LRRC9: variants seen among roughly 807,000 people sequenced by gnomAD.
LRRC9 encodes the protein leucine-rich repeat-containing protein 9.
In LRRC9, 122 loss-of-function variants were observed where a neutral mutation model predicts 63.2. That is an observed-to-expected ratio of 1.93 (90% CI 1.67 to 2.24). The LOEUF (loss-of-function observed/expected upper bound fraction) is 2.24. Ranked by LOEUF, LRRC9 falls within the 30% of genes most tolerant of loss-of-function variation. The pLI is 0.00. For missense variants in LRRC9, 1,071 were observed against 627.7 expected (o/e 1.71, Z -7.55); for synonymous variants, 366 against 213.1 (o/e 1.72, Z -6.25).
At chr14:59,937,460 G>A (rs921540995) in intron 6 of LRRC9, among the ~76,000 whole-genome samples, 18 of 152,052 alleles carry the variant, frequency 1.2e-4, no homozygotes, top group African/African-American at 4.1e-4. Context: ...CTATCCCAAC[G>A]CTGGGGGATG....
In LRRC9 at chr14:59,966,076, T is replaced by C. The variant is rs1884830310; in HGVS notation, c.1212-513T>C. Among the ~76,000 whole-genome samples the C allele has an allele frequency of 6.6e-6, 1 of 151,990 alleles. No homozygotes were observed. Among genetic ancestry groups the C allele is most frequent in the East Asian group, 1.9e-4 (1 of 5,184 alleles). ...TTAGGTTGGAGTCACCTGTTTAACA[T>C]GCAGATGGACATACCAAGTAGGTAG... On this transcript the variant is annotated intron_variant, in intron 10 of 31. Coordinates refer to ENST00000445360, the Ensembl canonical transcript of LRRC9. This position sits in a 1 kb window ranked among gnomAD's most constrained non-coding sequence, Gnocchi z 4.0.
Position 59,984,067 on chromosome 14 carries a change from A to G in LRRC9, c.2092-1038A>G, listed in dbSNP as rs549506296. Among the ~76,000 whole-genome samples the G allele has an allele frequency of 3.3e-5, 5 of 152,346 alleles. No homozygotes were observed. The East Asian group carries it at 7.7e-4, about 24-fold the overall frequency. On this transcript the variant is annotated intron_variant, in intron 16 of 31. Coordinates refer to ENST00000445360, the Ensembl canonical transcript of LRRC9. ...CAGTTCTACAATCAAATGTATAAAG[A>G]AAAGAGGGAAAGCAGGTGATCAACA... is the stretch of plus-strand genomic sequence containing the variant.
At chr14:59,991,757 C>T (rs556409076) in intron 17 of LRRC9, among the ~76,000 whole-genome samples, 6 of 146,910 alleles carry the variant, frequency 4.1e-5, no homozygotes, top group Non-Finnish European at 4.5e-5. Flanking sequence ...AAGGCAGCAG[C>T]AAGGCTGGGG....
rs188443416 is a variant in LRRC9 at position 59,993,362 on chromosome 14, A to G, written c.2212-4294A>G. Reference sequence around the variant, plus strand: ...GTACCAGCCACTGCAAAAACATAACAAAATTGTAAAGACCATCGAGGCTAG... The same window carrying G: ...GTACCAGCCACTGCAAAAACATAACGAAATTGTAAAGACCATCGAGGCTAG... On this transcript the variant is annotated intron_variant, in intron 17 of 31. Transcript: ENST00000445360. 2.8e-4 allele frequency among the ~76,000 whole-genome samples: 42 copies of G among 152,324 alleles called. No homozygotes were observed. In the East Asian group the frequency reaches 7.1e-3, roughly 26 times the overall value.
intron 27 of LRRC9, among the ~76,000 whole-genome samples, chr14:60,026,980 T>G (rs990251960): frequency 4.6e-5 from 7 of 152,046 alleles, no homozygotes; most frequent in African/African-American, 1.4e-4. Context: ...CAGTCACATT[T>G]TGAGGTACTG....
chr14:60,062,809 C>T (rs570381028), intron 31 of LRRC9, among the ~76,000 whole-genome samples: 4 of 152,282 alleles, frequency 2.6e-5, no homozygotes, highest in African/African-American at 9.6e-5. Context: ...AATGACCTAC[C>T]TCAGCAGCAG....
chr14:59,999,313 A>G (rs1049788291), intron 19 of LRRC9, 87 bp downstream of exon 19: 5 of 582,674 alleles, frequency 8.6e-6, no homozygotes, highest in Non-Finnish European at 1.2e-5. Flanking sequence ...TTAAGATTTT[A>G]TAGTCCCTCT....
chr14:59,949,691 T>A (rs1882895056), intron 8 of LRRC9, among the ~76,000 whole-genome samples: 1 of 151,572 alleles, frequency 6.6e-6, no homozygotes, highest in Admixed American at 6.6e-5. Flanking sequence ...GATTCTGGTA[T>A]GTTGTGTCTT....
intron 16 of LRRC9, among the ~76,000 whole-genome samples, chr14:59,984,462 TA>T: frequency 6.6e-6 from 1 of 152,334 alleles, no homozygotes. Context: ...ATACCACTCA[TA>T]ATGGTATAAA....
At chr14:59,943,060 G>A (rs1881963164) in intron 7 of LRRC9, among the ~76,000 whole-genome samples, 1 of 151,958 alleles carries the variant, frequency 6.6e-6, no homozygotes, top group African/African-American at 2.4e-5. Context: ...TGTATATTCT[G>A]GATATAAGAC....
At chr14:59,925,050 C>T (rs1028991544) in intron 1 of LRRC9, among the ~76,000 whole-genome samples, 2 of 152,172 alleles carry the variant, frequency 1.3e-5, no homozygotes, top group East Asian at 3.9e-4. Flanking sequence ...TCTTTTTCCT[C>T]CCACCGCTGT....
chr14:60,008,091 G>A lies in LRRC9; in HGVS notation c.3064-1G>A. 1 of 686,450 alleles carries A rather than the reference G, an allele frequency of 1.5e-6. No individual in the cohort carries two copies. The highest frequency in any genetic ancestry group is 2.6e-6 in the Non-Finnish European group (1 of 377,382). 42.5% of individuals were successfully genotyped at this position (686,450 alleles called of 1,614,324 possible). On this transcript the variant is annotated splice_acceptor_variant, in intron 22 of 31. Coordinates refer to ENST00000445360, the Ensembl canonical transcript of LRRC9. LOFTEE classifies it high-confidence loss of function. ...ATGAATATATGTATTTTATTACCTA[G>A]GGTTTATGCAACTTGGTCATTCTAG...
At chr14:59,963,828 C>T (rs528108032) in intron 10 of LRRC9, among the ~76,000 whole-genome samples, 5 of 152,178 alleles carry the variant, frequency 3.3e-5, no homozygotes, top group Admixed American at 3.3e-4. Context: ...TGATTTAAGT[C>T]AGTAAGCCTG....
chr14:60,003,804 G>T lies in LRRC9; in HGVS notation c.2842+6G>T, dbSNP rs1412027332. The T allele has an allele frequency of 5.2e-6, 3 of 578,854 alleles. No homozygotes were observed. The highest frequency in any genetic ancestry group is 1.9e-5 in the African/African-American group (1 of 51,512). 35.9% of individuals were successfully genotyped at this position (578,854 alleles called of 1,614,324 possible). ...CTGCATCTCAAAGATAGAAGGTAAGGTACTTAAGAACTTTGAAGTCTCAAA... is the reference window on the plus strand; with the variant it reads ...CTGCATCTCAAAGATAGAAGGTAAGTTACTTAAGAACTTTGAAGTCTCAAA... On this transcript the variant is annotated splice_donor_region_variant and intron_variant, in intron 21 of 31. Coordinates refer to ENST00000445360, the Ensembl canonical transcript of LRRC9. The surrounding 1 kb of genome is among the most constrained non-coding windows in gnomAD (Gnocchi z 4.2).
intron 8 of LRRC9, among the ~76,000 whole-genome samples, chr14:59,957,566 GT>G (rs914233336): frequency 2.0e-5 from 3 of 152,054 alleles, no homozygotes; most frequent in African/African-American, 7.2e-5. Flanking sequence ...CTTGCATTGG[GT>G]TAGAACTTGC....
At chr14:60,046,349 G>A (rs550870577) in intron 29 of LRRC9, among the ~76,000 whole-genome samples, 9 of 152,236 alleles carry the variant, frequency 5.9e-5, no homozygotes, top group African/African-American at 2.2e-4. Context: ...CATTGCCTGT[G>A]CCTATGTCCT....
At chr14:59,953,431 A>G (rs1883387628) in intron 8 of LRRC9, among the ~76,000 whole-genome samples, 1 of 151,822 alleles carries the variant, frequency 6.6e-6, no homozygotes, top group Non-Finnish European at 1.5e-5. Context: ...TTTTTTTCAT[A>G]TGTTTGTTGG....
chr14:59,981,715 A>G, intron 15 of LRRC9, 133 bp from the exon 16 acceptor site: 1 of 607,276 alleles, frequency 1.6e-6, no homozygotes, highest in Non-Finnish European at 2.9e-6. Context: ...TAGATGTCCT[A>G]ATGTGATTCT....
chr14:60,025,776 T>C (rs1237911640), intron 27 of LRRC9, among the ~76,000 whole-genome samples: 1 of 152,030 alleles, frequency 6.6e-6, no homozygotes, highest in Non-Finnish European at 1.5e-5. Context: ...CCTAGATCTA[T>C]CTACCTCCAA....
Sources: gnomAD v4.1 joint callset for allele counts (sites outside exome capture counted in the v4.1 genomes callset) on GRCh38, gnomAD v4.1.1 for gene constraint, Gnocchi (gnomAD v3.1) non-coding constraint, MANE v1.5 for transcripts, NCBI Gene and HGNC (gene_info 2026-07-23, HGNC 2026-07-21) for gene names.